The following XYLT1 variants were observed in gnomAD, a reference collection of about 807,000 sequenced individuals.
The protein encoded by XYLT1 is xylosyltransferase 1, also known as beta-D-xylosyltransferase 1.
Under a neutral mutation model 91.3 loss-of-function variants are expected in XYLT1, and 36 were observed. The ratio of observed to expected loss-of-function variants is 0.39; its 90% CI spans 0.30 to 0.52. The LOEUF (loss-of-function observed/expected upper bound fraction) is 0.52, where lower values mean the gene tolerates loss of function less well. Ranked by LOEUF, XYLT1 falls within the 20% of genes least tolerant of loss-of-function variation. The pLI, the probability that XYLT1 is intolerant of heterozygous loss-of-function variation, is 0.68. For synonymous variants in XYLT1, 588 were observed against 532.0 expected, an observed-to-expected ratio of 1.11 and a Z score of -1.45; for missense variants, 1,242 against 1,284.5, an observed-to-expected ratio of 0.97 and a Z score of 0.51.
At chr16:17,443,985 C>T (rs2036562443) in intron 1 of XYLT1, among the ~76,000 whole-genome samples, 1 of 152,162 alleles carries the variant, frequency 6.6e-6, no homozygotes, top group Non-Finnish European at 1.5e-5. Flanking sequence ...TCTTCCTTTC[C>T]CCCACCAGGC....
chr16:17,388,418 A>G (rs922531895), intron 1 of XYLT1, among the ~76,000 whole-genome samples: 5 of 152,112 alleles, frequency 3.3e-5, no homozygotes, highest in African/African-American at 1.2e-4. Flanking sequence ...AAAGTCTACA[A>G]TTCATGAACA....
intron 2 of XYLT1, among the ~76,000 whole-genome samples, chr16:17,300,051 AG>A (rs2034370962): frequency 6.6e-6 from 1 of 151,996 alleles, no homozygotes; most frequent in South Asian, 2.1e-4. Context: ...TGGTGACCAA[AG>A]GCATAAAAGG....
chr16:17,228,689 T>A (rs550172203), intron 3 of XYLT1, among the ~76,000 whole-genome samples: 23 of 152,272 alleles, frequency 1.5e-4, no homozygotes, highest in African/African-American at 5.5e-4. Flanking sequence ...CTTCTCTCCA[T>A]CCATTTTGCT....
intron 1 of XYLT1, among the ~76,000 whole-genome samples, chr16:17,391,947 T>G (rs781519871): frequency 4.6e-5 from 7 of 152,200 alleles, no homozygotes; most frequent in Non-Finnish European, 8.8e-5. Flanking sequence ...CCGTCATGAC[T>G]GCAAGGCCTC....
chr16:17,298,404 C>T (rs9930192), intron 2 of XYLT1, among the ~76,000 whole-genome samples: 94,185 of 152,054 alleles, frequency 0.62, 31,258 homozygotes, highest in African/African-American at 0.87. Flanking sequence ...AGTGCCCTCA[C>T]TGTTCCCATT....
chr16:17,188,608 T>C (rs2032241463), intron 5 of XYLT1, among the ~76,000 whole-genome samples: 1 of 152,222 alleles, frequency 6.6e-6, no homozygotes, highest in African/African-American at 2.4e-5. Context: ...GAGATTCCTT[T>C]GCAAAGTGCT....
chr16:17,208,812 C>T (rs2032705824), intron 3 of XYLT1, among the ~76,000 whole-genome samples: 1 of 152,142 alleles, frequency 6.6e-6, no homozygotes, highest in African/African-American at 2.4e-5. Flanking sequence ...GCAACCTCCA[C>T]CTCCCGGGTT....
chr16:17,241,217 G>A (rs985893027), intron 3 of XYLT1, among the ~76,000 whole-genome samples: 11 of 152,220 alleles, frequency 7.2e-5, no homozygotes, highest in African/African-American at 1.4e-4. Context: ...CCTTGATAGC[G>A]TTTCATGCAC....
chr16:17,206,074 T>C (rs904574776), intron 3 of XYLT1, among the ~76,000 whole-genome samples: 1 of 152,148 alleles, frequency 6.6e-6, no homozygotes, highest in African/African-American at 2.4e-5. Flanking sequence ...AACCTTGCAC[T>C]GTGTGGATTT....
intron 2 of XYLT1, among the ~76,000 whole-genome samples, chr16:17,350,538 T>A (rs998064291): frequency 6.6e-6 from 1 of 152,140 alleles, no homozygotes; most frequent in African/African-American, 2.4e-5. Context: ...AGGCAGCAAA[T>A]CACAGCCAGA....
chr16:17,140,583 C>G lies in XYLT1; in HGVS notation c.1587+570G>C, dbSNP rs150417405. 1.7e-4 allele frequency among the ~76,000 whole-genome samples: 24 copies of G among 142,098 alleles called. 1 individual carries two copies. The highest frequency in any genetic ancestry group is 1.3e-3 in the Admixed American group (17 of 13,206). 93.2% of individuals were successfully genotyped at this position (142,098 alleles called of 152,430 possible). ...GGCTGAGGCAGCAGAATTGCTTGAACTCTGGAGGTAGAGGTTGCAGTGAGC... is the reference window on the plus strand; with the variant it reads ...GGCTGAGGCAGCAGAATTGCTTGAAGTCTGGAGGTAGAGGTTGCAGTGAGC... On this transcript the variant is annotated intron_variant, in intron 7 of 11. Transcript: ENST00000261381.
chr16:17,152,759 G>T (rs2031311649), intron 6 of XYLT1, among the ~76,000 whole-genome samples: 1 of 152,184 alleles, frequency 6.6e-6, no homozygotes, highest in African/African-American at 2.4e-5. Context: ...TCAGACCAGA[G>T]AAGAGAGAGA....
intron 3 of XYLT1, among the ~76,000 whole-genome samples, chr16:17,234,473 T>C (rs183578392): frequency 3.3e-5 from 5 of 152,148 alleles, no homozygotes; most frequent in Admixed American, 2.0e-4. Flanking sequence ...AATGAATAAA[T>C]ACCTAATAAA....
At chr16:17,265,123 G>A (rs13336543) in intron 2 of XYLT1, among the ~76,000 whole-genome samples, 3 of 152,186 alleles carry the variant, frequency 2.0e-5, no homozygotes, top group African/African-American at 7.2e-5. Flanking sequence ...AGGAGATGGA[G>A]GTTGCAGTGA....
chr16:17,329,277 A>G (rs8052520), intron 2 of XYLT1, among the ~76,000 whole-genome samples: 94,216 of 152,094 alleles, frequency 0.62, 29,750 homozygotes, highest in Admixed American at 0.7. Flanking sequence ...TGGACAGGGC[A>G]GGATCTGGAT....
intron 1 of XYLT1, among the ~76,000 whole-genome samples, chr16:17,394,288 T>C (rs1038550860): frequency 6.6e-6 from 1 of 152,156 alleles, no homozygotes; most frequent in Non-Finnish European, 1.5e-5. Flanking sequence ...CAGGGGTGGC[T>C]CATGTCACCC....
chr16:17,121,531 C>A (rs1198841754), intron 10 of XYLT1, among the ~76,000 whole-genome samples: 2 of 152,158 alleles, frequency 1.3e-5, no homozygotes, highest in Non-Finnish European at 2.9e-5. Flanking sequence ...TCCAACCAAC[C>A]AATGGCTTTC....
chr16:17,465,941 G>T (rs889343462), intron 1 of XYLT1, among the ~76,000 whole-genome samples: 1 of 152,130 alleles, frequency 6.6e-6, no homozygotes, highest in Admixed American at 6.5e-5. Context: ...AAGATTAGGG[G>T]CATGAGAAAG....
intron 5 of XYLT1, among the ~76,000 whole-genome samples, chr16:17,189,738 C>T (rs538831093): frequency 6.6e-6 from 1 of 152,154 alleles, no homozygotes; most frequent in African/African-American, 2.4e-5. Flanking sequence ...TACTATGTAA[C>T]TGCATTCATA....
Sources: gnomAD v4.1 joint callset for allele counts (sites outside exome capture counted in the v4.1 genomes callset) on GRCh38, gnomAD v4.1.1 for gene constraint, MANE v1.5 for transcripts, NCBI Gene and HGNC (gene_info 2026-07-23, HGNC 2026-07-21) for gene names.